PTPRB: variants seen among roughly 807,000 people sequenced by gnomAD.
The protein encoded by PTPRB is receptor-type tyrosine-protein phosphatase beta.
A neutral mutation model predicts 238.1 loss-of-function variants in PTPRB; 97 were observed. The ratio of observed to expected loss-of-function variants is 0.41; its 90% confidence interval spans 0.35 to 0.48. The LOEUF is 0.48. Among genes scored for constraint, PTPRB ranks in the 20% least tolerant of loss-of-function variants. The probability of loss-of-function intolerance (pLI) is 0.30; values close to 1 mark genes in which losing one functional copy is unlikely to be tolerated. For missense variants in PTPRB, 2,292 were observed against 2,681.9 expected (o/e 0.85, Z 3.21); for synonymous variants, 970 against 995.4 (o/e 0.97, Z 0.48).
At chr12:70,555,377 T>C in intron 19 of PTPRB, 68 bp from the exon 20 acceptor site, 1 of 1,425,228 alleles carries the variant, frequency 7.0e-7, no homozygotes, top group Non-Finnish European at 9.6e-7. Context: ...AAACAACAGT[T>C]AGTGAAATGA....
chr12:70,565,174 T>C (rs551608674), intron 15 of PTPRB, among the ~76,000 whole-genome samples: 1 of 152,216 alleles, frequency 6.6e-6, no homozygotes, highest in African/African-American at 2.4e-5. Flanking sequence ...ATTCAATCCA[T>C]TCCCCCATTG....
intron 27 of PTPRB, 33 bp from the exon 28 acceptor site, chr12:70,538,264 G>GTGAC: frequency 1.3e-6 from 2 of 1,584,354 alleles, no homozygotes; most frequent in Non-Finnish European, 1.7e-6. Context: ...GAGTCTTGGA[G>GTGAC]TGACTTTTCT....
intron 28 of PTPRB, 94 bp downstream of exon 28, chr12:70,538,061 C>T (rs1036523735): frequency 3.8e-6 from 4 of 1,055,884 alleles, no homozygotes; most frequent in Admixed American, 2.4e-5. Context: ...TGTTTCCAGA[C>T]CTAAGAATAA....
At position 70,555,143 on chromosome 12, in the gene PTPRB, A is replaced by G. The variant is rs765527818; in HGVS notation, c.5143+17T>C. 1.9e-6 allele frequency: 3 copies of G among 1,610,886 alleles called. No individual in the cohort carries two copies. The highest frequency in any genetic ancestry group is 2.5e-6 in the Non-Finnish European group (3 of 1,178,296). On this transcript the variant is annotated intron_variant, in intron 20 of 33. Coordinates refer to ENST00000334414, the MANE Select transcript of PTPRB (RefSeq NM_001109754.4). ...CAATTCTGTGTCTCAGAGTGGAGTT[A>G]ACTCATGATAACTTACCATCAGCCT...
At chr12:70,617,162 T>A (rs1884715353) in intron 3 of PTPRB, among the ~76,000 whole-genome samples, 1 of 152,140 alleles carries the variant, frequency 6.6e-6, no homozygotes, top group African/African-American at 2.4e-5. Flanking sequence ...AAATCGCCCA[T>A]CACTAAAAGA....
intron 8 of PTPRB, among the ~76,000 whole-genome samples, chr12:70,588,999 G>A (rs1592544977): frequency 6.6e-6 from 1 of 152,226 alleles, no homozygotes; most frequent in Non-Finnish European, 1.5e-5. Flanking sequence ...AAGTTCTCCT[G>A]AGAATTATGC....
At chr12:70,630,396 C>G (rs1237272114) in intron 2 of PTPRB, among the ~76,000 whole-genome samples, 1 of 152,122 alleles carries the variant, frequency 6.6e-6, no homozygotes, top group Non-Finnish European at 1.5e-5. Context: ...TCTCAATAAA[C>G]TAGGTATTGA....
intron 4 of PTPRB, among the ~76,000 whole-genome samples, chr12:70,605,362 T>C (rs1883859040): frequency 6.6e-6 from 1 of 152,220 alleles, no homozygotes; most frequent in Non-Finnish European, 1.5e-5. Flanking sequence ...TCTATCTATC[T>C]CTTCTACTCA....
At chr12:70,620,917 T>C (rs1333791788) in intron 3 of PTPRB, among the ~76,000 whole-genome samples, 2 of 152,312 alleles carry the variant, frequency 1.3e-5, no homozygotes, top group Non-Finnish European at 2.9e-5. Context: ...ATTTGGGTGA[T>C]AGAAACCCCC....
At position 70,596,272 on chromosome 12, in the gene PTPRB, G is replaced by A. The variant is rs756195195; in HGVS notation, c.1035C>T (p.Ser345=). Residue 345 remains serine, a synonymous_variant, in exon 5 of 34, where the codon AGC becomes AGT. Coordinates refer to ENST00000334414, the MANE Select transcript of PTPRB (RefSeq NM_001109754.4). ...GVSKEKTTST[S]LHVWWTPSSG... Reference sequence around the variant, plus strand: ...AAGAAGGAGTCCACCAAACATGCAAGCTGGTTGAAGTCGTCTTCTCTTTAC... The same window carrying A: ...AAGAAGGAGTCCACCAAACATGCAAACTGGTTGAAGTCGTCTTCTCTTTAC... 5.6e-6 allele frequency: 9 copies of A among 1,611,670 alleles called. No homozygotes were observed. Among genetic ancestry groups the A allele is most frequent in the Non-Finnish European group, 1.7e-6 (2 of 1,179,244 alleles).
chr12:70,627,982 A>G (rs1885282452), intron 2 of PTPRB, among the ~76,000 whole-genome samples: 1 of 152,186 alleles, frequency 6.6e-6, no homozygotes, highest in Non-Finnish European at 1.5e-5. Context: ...ATCTTTTACA[A>G]TGTTCACACA....
intron 31 of PTPRB, among the ~76,000 whole-genome samples, chr12:70,533,546 G>T (rs1335872018): frequency 1.3e-5 from 2 of 152,178 alleles, no homozygotes; most frequent in Non-Finnish European, 2.9e-5. Context: ...GAAATCAAGA[G>T]AACAAATTTA....
In PTPRB at chr12:70,617,793, T is replaced by C. The variant is rs1884746082; in HGVS notation, c.708+4597A>G. Among the ~76,000 whole-genome samples, 3 of 140,604 alleles carry C rather than the reference T, an allele frequency of 2.1e-5. No individual in the cohort carries two copies. The South Asian group carries it at 7.7e-4, about 36-fold the overall frequency. The allele number at this position is 140,604 out of a possible 152,430, so 92.2% of individuals were successfully genotyped here. A position where few individuals can be genotyped will look rare whatever the true frequency, so the allele number is the denominator to read the frequency against. ...ACAAAACTGTGAAAGCCCAGACCAG[T>C]ACCACAATGGCTATTCATGAACTGA... On this transcript the variant is annotated intron_variant, in intron 3 of 33. Coordinates refer to ENST00000334414, the MANE Select transcript of PTPRB (RefSeq NM_001109754.4).
chr12:70,604,766 T>C (rs12425132), intron 4 of PTPRB, among the ~76,000 whole-genome samples: 32,833 of 152,050 alleles, frequency 0.22, 3,668 homozygotes, highest in South Asian at 0.29. Flanking sequence ...TGACTGGTGT[T>C]CTTATGAGAA....
intron 4 of PTPRB, among the ~76,000 whole-genome samples, chr12:70,599,931 G>A (rs1883335210): frequency 6.6e-6 from 1 of 151,184 alleles, no homozygotes; most frequent in African/African-American, 2.4e-5. Flanking sequence ...AATAGTGCCT[G>A]TGAATAGCTA....
chr12:70,637,417 T>C lies in PTPRB; in HGVS notation c.-22A>G. On this transcript the variant is annotated 5_prime_UTR_variant, in exon 1 of 34. An upstream start codon of the reference 5' UTR is lost. Coordinates refer to ENST00000334414, the MANE Select transcript of PTPRB (RefSeq NM_001109754.4). ...CCATTTTCCACTTAGCAACTGTTCA[T>C]GCTTCGCTTGGGGAAAAAAAAAATT... 1 of 1,598,890 alleles carries C rather than the reference T, an allele frequency of 6.3e-7. No individual in the cohort carries two copies. The highest frequency in any genetic ancestry group is 8.5e-7 in the Non-Finnish European group (1 of 1,172,280).
intron 12 of PTPRB, 115 bp downstream of exon 12, chr12:70,571,709 A>T: frequency 8.5e-7 from 1 of 1,173,648 alleles, no homozygotes; most frequent in Non-Finnish European, 1.2e-6. Flanking sequence ...ACCAAGTGAG[A>T]CTTACTGGGA....
intron 2 of PTPRB, 145 bp from the exon 3 acceptor site, chr12:70,622,791 T>C: frequency 1.0e-6 from 1 of 966,512 alleles, no homozygotes; most frequent in Non-Finnish European, 1.5e-6. Flanking sequence ...CAAATATACT[T>C]TGAGTGTGTG....
intron 15 of PTPRB, 57 bp downstream of exon 15, chr12:70,566,378 T>G: frequency 6.4e-7 from 1 of 1,572,880 alleles, no homozygotes; most frequent in Non-Finnish European, 8.6e-7. Flanking sequence ...CTGGGGTTCT[T>G]ACACAATAGC....
Sources: allele counts gnomAD v4.1 joint callset (sites outside exome capture counted in the v4.1 genomes callset), GRCh38; gene constraint gnomAD v4.1.1; transcripts MANE v1.5; gene names NCBI Gene and HGNC (gene_info 2026-07-23, HGNC 2026-07-21).